SPOCK3: variants seen among roughly 807,000 people sequenced by gnomAD.
SPOCK3 encodes SPARC (osteonectin), cwcv and kazal like domains proteoglycan 3, also known as testican-3.
In SPOCK3, 30 loss-of-function variants were observed where a neutral mutation model predicts 56.6. The ratio of observed to expected loss-of-function variants is 0.53; its 90% CI spans 0.40 to 0.72. The LOEUF (loss-of-function observed/expected upper bound fraction) is 0.72, where lower values mean the gene tolerates loss of function less well. Ranked by LOEUF, SPOCK3 falls within the 30% of genes least tolerant of loss-of-function variation. The pLI, the probability that SPOCK3 is intolerant of heterozygous loss-of-function variation, is 0.00. For missense variants in SPOCK3, 527 were observed against 530.0 expected (o/e 0.99, Z 0.06); for synonymous variants, 196 against 183.3 (o/e 1.07, Z -0.56).
chr4:166,812,129 A>C (rs1426697237), intron 6 of SPOCK3, among the ~76,000 whole-genome samples: 2 of 151,844 alleles, frequency 1.3e-5, no homozygotes, highest in African/African-American at 4.8e-5. Context: ...TTTTCTATGC[A>C]ATATCTTTGA....
intron 2 of SPOCK3, among the ~76,000 whole-genome samples, chr4:167,203,020 A>G (rs1292571819): frequency 3.6e-5 from 5 of 139,964 alleles, no homozygotes; most frequent in Non-Finnish European, 6.4e-5. Flanking sequence ...TGCATACACA[A>G]TTAAAACCTG....
chr4:167,125,223 A>G (rs914587497), intron 2 of SPOCK3, among the ~76,000 whole-genome samples: 9 of 146,670 alleles, frequency 6.1e-5, no homozygotes, highest in African/African-American at 2.2e-4. Flanking sequence ...TTATTTATTT[A>G]TTTATTTTTA....
At chr4:167,202,769 A>C (rs1733644289) in intron 2 of SPOCK3, among the ~76,000 whole-genome samples, 1 of 151,180 alleles carries the variant, frequency 6.6e-6, no homozygotes, top group Non-Finnish European at 1.5e-5. Context: ...AAAAAAAAAA[A>C]CTATGGAGAT....
At chr4:166,822,951 A>T (rs997191048) in intron 6 of SPOCK3, among the ~76,000 whole-genome samples, 3 of 152,046 alleles carry the variant, frequency 2.0e-5, no homozygotes, top group African/African-American at 4.8e-5. Context: ...TTAAACTAGC[A>T]AAAAATAAGT....
intron 2 of SPOCK3, among the ~76,000 whole-genome samples, chr4:167,075,411 G>A (rs1580213002): frequency 6.6e-6 from 1 of 151,786 alleles, no homozygotes; most frequent in South Asian, 2.1e-4. Context: ...ACCATTCTTT[G>A]AGCCACACTG....
At chr4:167,115,255 A>C (rs1308941436) in intron 2 of SPOCK3, among the ~76,000 whole-genome samples, 2 of 151,792 alleles carry the variant, frequency 1.3e-5, no homozygotes, top group Non-Finnish European at 2.9e-5. Context: ...AGAGTTGTCT[A>C]GCTGTGAACC....
intron 2 of SPOCK3, among the ~76,000 whole-genome samples, chr4:167,157,611 T>C (rs1161175988): frequency 1.4e-5 from 2 of 142,456 alleles, no homozygotes; most frequent in Admixed American, 7.2e-5. Flanking sequence ...ATAGGAAAGG[T>C]TTTTTTTAAA....
chr4:167,027,097 A>AT (rs1018522019), intron 3 of SPOCK3, among the ~76,000 whole-genome samples: 1 of 151,868 alleles, frequency 6.6e-6, no homozygotes, highest in Non-Finnish European at 1.5e-5. Flanking sequence ...TATCCTTGAC[A>AT]TTTTTTGAAA....
chr4:166,735,656 G>A (rs986458995), intron 10 of SPOCK3, among the ~76,000 whole-genome samples: 15 of 152,094 alleles, frequency 9.9e-5, no homozygotes, highest in Middle Eastern at 3.4e-3. Flanking sequence ...AGAATGATCA[G>A]AGATGCAGTG....
chr4:167,116,662 G>GTATATATATACACGTATATAC (rs763667092), intron 2 of SPOCK3, among the ~76,000 whole-genome samples: 9,407 of 62,712 alleles, frequency 0.15, 680 homozygotes, highest in Admixed American at 0.31. Flanking sequence ...ACATATATAC[G>GTATATATATACACGTATATAC]TATATAGTAT....
At chr4:166,765,574 G>C (rs1405852372) in intron 7 of SPOCK3, among the ~76,000 whole-genome samples, 1 of 152,220 alleles carries the variant, frequency 6.6e-6, no homozygotes, top group East Asian at 1.9e-4. Flanking sequence ...GTACCATGCT[G>C]TTTTGGTTAC....
intron 8 of SPOCK3, chr4:166,754,273 T>C (rs1736780096): frequency 8.1e-7 from 1 of 1,241,424 alleles, no homozygotes; most frequent in African/African-American, 1.5e-5. Flanking sequence ...AACTATAATG[T>C]AGTGGCATTA....
At position 167,092,121 on chromosome 4, in the gene SPOCK3, A is replaced by G. The variant is rs867205208; in HGVS notation, c.190-29584T>C. 2.6e-5 allele frequency among the ~76,000 whole-genome samples: 4 copies of G among 152,176 alleles called. No individual in the cohort carries two copies. The South Asian group carries it at 8.3e-4, about 32-fold the overall frequency. On this transcript the variant is annotated intron_variant, in intron 2 of 10. Coordinates refer to ENST00000357545, the MANE Select transcript of SPOCK3 (RefSeq NM_001040159.2). The stretch of plus-strand genomic sequence containing the variant: ...CTCATCTCACTGGGACTGGTTAGAC[A>G]GTGGGTGCAGCACACAGAGGGCAAG...
At chr4:167,014,677 C>T (rs973708643) in intron 3 of SPOCK3, among the ~76,000 whole-genome samples, 3 of 151,700 alleles carry the variant, frequency 2.0e-5, no homozygotes, top group African/African-American at 7.3e-5. Context: ...AAGACTGAAA[C>T]AAAGGTTTTA....
chr4:167,095,420 A>G (rs1294607920), intron 2 of SPOCK3, among the ~76,000 whole-genome samples: 1 of 152,060 alleles, frequency 6.6e-6, no homozygotes, highest in Non-Finnish European at 1.5e-5. Flanking sequence ...ACCAGAGAAA[A>G]TATTGTATTC....
intron 3 of SPOCK3, among the ~76,000 whole-genome samples, chr4:167,052,809 A>G (rs1454285353): frequency 2.6e-5 from 4 of 152,222 alleles, no homozygotes; most frequent in African/African-American, 4.8e-5. Flanking sequence ...AATTAAAGGC[A>G]TCTGGGAGAC....
intron 4 of SPOCK3, among the ~76,000 whole-genome samples, chr4:166,924,744 C>T (rs750772392): frequency 3.3e-5 from 5 of 152,164 alleles, no homozygotes. Context: ...GTGTGGACTC[C>T]CATGGTTAAA....
intron 6 of SPOCK3, among the ~76,000 whole-genome samples, chr4:166,806,386 C>T (rs914544357): frequency 1.3e-5 from 2 of 151,962 alleles, no homozygotes; most frequent in East Asian, 1.9e-4. Context: ...ACAAGGTCAT[C>T]TCCCTGGAGA....
chr4:166,840,395 G>A (rs573821557), intron 6 of SPOCK3, among the ~76,000 whole-genome samples: 21 of 152,314 alleles, frequency 1.4e-4, no homozygotes, highest in Admixed American at 3.9e-4. Context: ...AGATGCAAGA[G>A]AGCAATTATT....
Sources: allele counts gnomAD v4.1 joint callset (sites outside exome capture counted in the v4.1 genomes callset), GRCh38; gene constraint gnomAD v4.1.1; transcripts MANE v1.5; gene names NCBI Gene and HGNC (gene_info 2026-07-23, HGNC 2026-07-21).